Variants in HACD2 observed in about 807,000 individuals in gnomAD.
HACD2 encodes the protein 3-hydroxyacyl-CoA dehydratase 2, also known as very-long-chain (3R)-3-hydroxyacyl-CoA dehydratase 2.
A neutral mutation model predicts 31.0 loss-of-function variants in HACD2; 15 were observed. The observed-to-expected ratio is 0.48, with a 90% CI of 0.32 to 0.75. The LOEUF (loss-of-function observed/expected upper bound fraction) is 0.75, where lower values mean the gene tolerates loss of function less well. Ranked by LOEUF, HACD2 falls within the 30% of genes least tolerant of loss-of-function variation. The pLI is 0.03. For synonymous variants in HACD2, 115 were observed against 122.2 expected, an observed-to-expected ratio of 0.94 and a Z score of 0.39; for missense variants, 283 against 313.0, an observed-to-expected ratio of 0.90 and a Z score of 0.72.
chr3:123,578,698 C>T (rs999234061), intron 2 of HACD2, among the ~76,000 whole-genome samples: 2 of 152,152 alleles, frequency 1.3e-5, no homozygotes, highest in Non-Finnish European at 2.9e-5. Flanking sequence ...CAAGTAATTT[C>T]GATTTCCTTT....
intron 4 of HACD2, among the ~76,000 whole-genome samples, chr3:123,512,043 G>C (rs2056070174): frequency 6.6e-6 from 1 of 152,140 alleles, no homozygotes; most frequent in African/African-American, 2.4e-5. Context: ...AGGTGCTGGT[G>C]CCATGCTTTT....
chr3:123,511,895 C>T (rs2056068295), intron 4 of HACD2, among the ~76,000 whole-genome samples: 1 of 152,076 alleles, frequency 6.6e-6, no homozygotes, highest in African/African-American at 2.4e-5. Flanking sequence ...TGAGTAAGTC[C>T]TTACTGTTAG....
intron 3 of HACD2, among the ~76,000 whole-genome samples, chr3:123,530,686 C>T (rs2056348927): frequency 2.0e-5 from 3 of 151,890 alleles, no homozygotes; most frequent in Non-Finnish European, 4.4e-5. Flanking sequence ...GGATTACAGG[C>T]GTGAGCCACT....
intron 4 of HACD2, among the ~76,000 whole-genome samples, chr3:123,520,113 C>T (rs2056194587): frequency 1.3e-5 from 2 of 152,188 alleles, no homozygotes; most frequent in African/African-American, 4.8e-5. Context: ...GGCCTCCTGA[C>T]TCACCATCTA....
intron 4 of HACD2, among the ~76,000 whole-genome samples, chr3:123,506,014 G>A (rs1013330993): frequency 6.6e-6 from 1 of 152,356 alleles, no homozygotes; most frequent in South Asian, 2.1e-4. Flanking sequence ...GGGCGGCCAG[G>A]GCTGCTGCTG....
chr3:123,503,230 AC>A lies in HACD2; in HGVS notation c.382-550del, dbSNP rs1215724547. 6.0e-5 allele frequency among the ~76,000 whole-genome samples: 9 copies of A among 148,808 alleles called. No individual in the cohort carries two copies. In the Admixed American group the frequency reaches 6.1e-4, roughly 10 times the overall value. On this transcript the variant is annotated intron_variant, in intron 4 of 6. Transcript: ENST00000383657. The stretch of plus-strand genomic sequence containing the variant: ...CAGTGAGCCGAGATAGCGCCACTGC[AC>A]CCCAGCCTGGGTGACAGAGTGAGAC...
At chr3:123,502,826 G>C (rs138466629) in intron 4 of HACD2, 145 bp from the exon 5 acceptor site, 1 of 763,018 alleles carries the variant, frequency 1.3e-6, no homozygotes, top group Non-Finnish European at 2.1e-6. Context: ...AAGAGCTTGC[G>C]TGTAGAGCTG....
Position 123,584,993 on chromosome 3 carries a change from C to T in HACD2, c.35G>A (p.Gly12Glu), listed in dbSNP as rs1389276454. 1 of 1,523,116 alleles carries T rather than the reference C, an allele frequency of 6.6e-7. No homozygotes were observed. Among genetic ancestry groups the T allele is most frequent in the Non-Finnish European group, 8.8e-7 (1 of 1,136,604 alleles). 94.4% of individuals were successfully genotyped at this position (1,523,116 alleles called of 1,614,324 possible). A position where few individuals can be genotyped will look rare whatever the true frequency, so the allele number is the denominator to read the frequency against. ...GGCCCTGCCACCGCCGCCCCCATTCCCCTTCGCTGCTGCAGTCGCCGCCAC... is the reference window on the plus strand; with the variant it reads ...GGCCCTGCCACCGCCGCCCCCATTCTCCTTCGCTGCTGCAGTCGCCGCCAC... ...AAVAATAAAK[G>E]NGGGGGRAGA... The change falls in exon 1 of 7, where the codon GGG becomes GAG. Residue 12 changes from glycine (G) to glutamate (E), a missense_variant. Coordinates refer to ENST00000383657, the MANE Select transcript of HACD2 (RefSeq NM_198402.5).
At chr3:123,524,964 G>A (rs2056261927) in intron 4 of HACD2, among the ~76,000 whole-genome samples, 1 of 152,188 alleles carries the variant, frequency 6.6e-6, no homozygotes, top group Non-Finnish European at 1.5e-5. Flanking sequence ...TGGTTGTTAA[G>A]AGAGAATGAT....
intron 2 of HACD2, among the ~76,000 whole-genome samples, chr3:123,578,445 A>AT (rs1033319334): frequency 6.6e-6 from 1 of 151,928 alleles, no homozygotes; most frequent in South Asian, 2.1e-4. Context: ...CAATTTTTTA[A>AT]TTTTTTGTAG....
At chr3:123,500,910 C>T (rs536159387) in intron 5 of HACD2, among the ~76,000 whole-genome samples, 57 of 152,310 alleles carry the variant, frequency 3.7e-4, no homozygotes, top group African/African-American at 1.3e-3. Flanking sequence ...AAAATAAAGG[C>T]CGTTCAGGCA....
At chr3:123,496,559 G>A (rs2055835072) in intron 6 of HACD2, among the ~76,000 whole-genome samples, 1 of 152,178 alleles carries the variant, frequency 6.6e-6, no homozygotes, top group Admixed American at 6.5e-5. Context: ...TGCCAGGCAG[G>A]ACGTCGTTCA....
chr3:123,546,241 G>A (rs1379689195), intron 3 of HACD2, among the ~76,000 whole-genome samples: 1 of 152,078 alleles, frequency 6.6e-6, no homozygotes, highest in Non-Finnish European at 1.5e-5. Context: ...ACTGAGTACT[G>A]TACTATCACT....
intron 3 of HACD2, among the ~76,000 whole-genome samples, chr3:123,549,709 C>T (rs545933816): frequency 6.6e-6 from 1 of 152,286 alleles, no homozygotes; most frequent in South Asian, 2.1e-4. Flanking sequence ...GATCACACCA[C>T]TGCACTCAAA....
At chr3:123,538,385 C>T (rs1427446028) in intron 3 of HACD2, among the ~76,000 whole-genome samples, 1 of 152,064 alleles carries the variant, frequency 6.6e-6, no homozygotes, top group African/African-American at 2.4e-5. Context: ...ATTATATTTT[C>T]TTTGTGCTAA....
At chr3:123,561,926 C>T (rs1193940978) in intron 3 of HACD2, among the ~76,000 whole-genome samples, 3 of 152,152 alleles carry the variant, frequency 2.0e-5, no homozygotes, top group Middle Eastern at 3.2e-3. Flanking sequence ...ATTCTCCCAC[C>T]TCAGCCTCCC....
intron 3 of HACD2, among the ~76,000 whole-genome samples, chr3:123,552,350 G>C (rs910130842): frequency 1.4e-4 from 21 of 152,122 alleles, no homozygotes; most frequent in Non-Finnish European, 2.6e-4. Context: ...TTAGATTCCT[G>C]TAACACAAAG....
chr3:123,532,833 C>CAAAAA (rs35001570), intron 3 of HACD2, among the ~76,000 whole-genome samples: 2 of 71,358 alleles, frequency 2.8e-5, no homozygotes, highest in Non-Finnish European at 4.6e-5. Flanking sequence ...GACTCCGTCT[C>CAAAAA]AAAAAAAAAA....
chr3:123,528,409 C>G lies in HACD2; in HGVS notation c.358G>C (p.Ala120Pro), dbSNP rs1370241649. The G allele has an allele frequency of 6.2e-7, 1 of 1,610,046 alleles. No homozygotes were observed. Among genetic ancestry groups the G allele is most frequent in the Non-Finnish European group, 8.5e-7 (1 of 1,176,506 alleles). The change falls in exon 4 of 7, where the codon GCA becomes CCA. Residue 120 changes from alanine (A) to proline (P), a missense_variant. Ala to Pro is a conservative substitution (Grantham distance 27). Coordinates refer to ENST00000383657, the MANE Select transcript of HACD2 (RefSeq NM_198402.5). ...QVMSRVFLIWAVTHSVKEVQS... is the reference protein window; with the variant it reads ...QVMSRVFLIWPVTHSVKEVQS... Reference sequence around the variant, plus strand: ...ACCTCTTTGACGCTATGTGTTACTGCCCATATTAGAAAAACTCTTGACATC... The same window carrying G: ...ACCTCTTTGACGCTATGTGTTACTGGCCATATTAGAAAAACTCTTGACATC...
Sources: gnomAD v4.1 joint callset for allele counts (sites outside exome capture counted in the v4.1 genomes callset) on GRCh38, gnomAD v4.1.1 for gene constraint, MANE v1.5 for transcripts, NCBI Gene and HGNC (gene_info 2026-07-23, HGNC 2026-07-21) for gene names.